Variants in ANGPT1 observed in about 807,000 individuals in gnomAD.
ANGPT1 encodes angiopoietin-1.
In ANGPT1, 17 loss-of-function variants were observed where a neutral mutation model predicts 62.2. The observed-to-expected ratio is 0.27, with a 90% CI of 0.19 to 0.41. The LOEUF (loss-of-function observed/expected upper bound fraction) is 0.41. ANGPT1 is among the 10% of genes least tolerant of loss of function. ANGPT1 has a pLI of 1.00. For synonymous variants in ANGPT1, 199 were observed against 198.9 expected (o/e 1.00, Z 0.00); for missense variants, 478 against 594.9 (o/e 0.80, Z 2.04).
intron 5 of ANGPT1, among the ~76,000 whole-genome samples, chr8:107,302,108 T>C (rs1360478409): frequency 1.3e-5 from 2 of 151,918 alleles, no homozygotes; most frequent in Admixed American, 1.3e-4. Flanking sequence ...AGACCTACTA[T>C]GTGCCAGAAA....
Position 107,497,586 on chromosome 8 carries a change from C to T in ANGPT1, c.-28G>A, listed in dbSNP as rs200431968. ...TACTGCCAGCACACTCCTTCCGTGCCTCTCGCAAAACTTGCTCCTTTCTTC... is the reference window on the plus strand; with the variant it reads ...TACTGCCAGCACACTCCTTCCGTGCTTCTCGCAAAACTTGCTCCTTTCTTC... On this transcript the variant is annotated 5_prime_UTR_variant, in exon 1 of 9. Coordinates refer to ENST00000517746, the MANE Select transcript of ANGPT1 (RefSeq NM_001146.5). The T allele has an allele frequency of 2.4e-5, 39 of 1,597,594 alleles. No homozygotes were observed. In the East Asian group the frequency reaches 7.6e-4, roughly 31 times the overall value.
chr8:107,257,870 G>GTTTTTTTTTTTTTT (rs750634420), intron 8 of ANGPT1, among the ~76,000 whole-genome samples: 26 of 45,232 alleles, frequency 5.7e-4, no homozygotes, highest in Non-Finnish European at 9.2e-4. Context: ...CCAAGGACTT[G>GTTTTTTTTTTTTTT]TTTTTGTTTC....
At chr8:107,417,961 T>C (rs145761127) in intron 1 of ANGPT1, among the ~76,000 whole-genome samples, 11 of 152,272 alleles carry the variant, frequency 7.2e-5, no homozygotes, top group African/African-American at 2.2e-4. Context: ...GTAAGGTAAA[T>C]AGAATTGTTC....
chr8:107,420,116 T>C (rs1472904632), intron 1 of ANGPT1, among the ~76,000 whole-genome samples: 1 of 152,170 alleles, frequency 6.6e-6, no homozygotes, highest in East Asian at 1.9e-4. Context: ...TTTTGTTCAT[T>C]GATAATTGCC....
intron 1 of ANGPT1, among the ~76,000 whole-genome samples, chr8:107,426,904 C>A (rs1312680453): frequency 6.6e-6 from 1 of 152,140 alleles, no homozygotes; most frequent in Non-Finnish European, 1.5e-5. Context: ...CAGTGTGGTG[C>A]TGGATGGAGT....
chr8:107,327,419 G>C (rs1815315158), intron 3 of ANGPT1, among the ~76,000 whole-genome samples: 1 of 152,034 alleles, frequency 6.6e-6, no homozygotes, highest in African/African-American at 2.4e-5. Context: ...GATTTTCCCT[G>C]ATGACAGTCT....
chr8:107,453,246 T>A (rs1563629556), intron 1 of ANGPT1, among the ~76,000 whole-genome samples: 1 of 152,096 alleles, frequency 6.6e-6, no homozygotes, highest in East Asian at 1.9e-4. Flanking sequence ...TAAAAACAAT[T>A]AAAGAATATT....
chr8:107,423,367 A>T (rs188114831), intron 1 of ANGPT1, among the ~76,000 whole-genome samples: 1 of 152,234 alleles, frequency 6.6e-6, no homozygotes, highest in Admixed American at 6.5e-5. Context: ...TTCTCTGCAG[A>T]TTGCCCTTAG....
chr8:107,300,617 A>G (rs2129969870), intron 5 of ANGPT1, among the ~76,000 whole-genome samples: 1 of 152,010 alleles, frequency 6.6e-6, no homozygotes, highest in Admixed American at 6.6e-5. Context: ...TCTCTCTGAA[A>G]AGCCATGGTG....
intron 1 of ANGPT1, among the ~76,000 whole-genome samples, chr8:107,434,743 A>T (rs548951781): frequency 6.6e-6 from 1 of 152,344 alleles, no homozygotes; most frequent in East Asian, 1.9e-4. Flanking sequence ...TATTTTTGAT[A>T]TACTGATAAT....
At chr8:107,277,519 C>T (rs542380080) in intron 7 of ANGPT1, among the ~76,000 whole-genome samples, 85 of 152,202 alleles carry the variant, frequency 5.6e-4, no homozygotes, top group African/African-American at 2.0e-3. Flanking sequence ...ACAACCATTT[C>T]AAAATAGATC....
intron 5 of ANGPT1, among the ~76,000 whole-genome samples, chr8:107,297,321 T>TAA (rs1814439891): frequency 1.3e-5 from 2 of 151,990 alleles, no homozygotes; most frequent in Non-Finnish European, 2.9e-5. Context: ...CCAACTTGAG[T>TAA]GCTACATTGC....
chr8:107,481,532 C>CAAAAAAAAAAAAAAAAAAA (rs71562147), intron 1 of ANGPT1, among the ~76,000 whole-genome samples: 7 of 64,316 alleles, frequency 1.1e-4, no homozygotes, highest in Non-Finnish European at 1.7e-4. Flanking sequence ...GACTCTGTCT[C>CAAAAAAAAAAAAAAAAAAA]AAAAAAAAAA....
At chr8:107,321,537 A>G (rs1268089303) in intron 4 of ANGPT1, among the ~76,000 whole-genome samples, 1 of 152,174 alleles carries the variant, frequency 6.6e-6, no homozygotes, top group African/African-American at 2.4e-5. Flanking sequence ...ACTATGAACT[A>G]ATTTTTAACA....
intron 1 of ANGPT1, among the ~76,000 whole-genome samples, chr8:107,493,425 T>A (rs148717670): frequency 6.7e-6 from 1 of 150,256 alleles, no homozygotes; most frequent in Non-Finnish European, 1.5e-5. Flanking sequence ...AGAAGATGAA[T>A]TGGAGTGACT....
intron 1 of ANGPT1, among the ~76,000 whole-genome samples, chr8:107,492,645 C>G (rs1812993655): frequency 7.3e-6 from 1 of 136,996 alleles, no homozygotes; most frequent in African/African-American, 2.7e-5. Context: ...CCAATATGTA[C>G]CCATTTCACA....
chr8:107,313,429 G>GGTTT (rs1335026306), intron 4 of ANGPT1, among the ~76,000 whole-genome samples: 1 of 64,182 alleles, frequency 1.6e-5, no homozygotes, highest in African/African-American at 6.5e-5. Context: ...GTTACTAGTT[G>GGTTT]TTTTTTTTTT....
intron 1 of ANGPT1, among the ~76,000 whole-genome samples, chr8:107,382,530 T>C (rs1253307496): frequency 8.7e-6 from 1 of 114,718 alleles, no homozygotes; most frequent in African/African-American, 2.6e-5. Context: ...ATTTTGTCTT[T>C]GAAAAAGAAA....
chr8:107,395,665 C>T (rs1816920889), intron 1 of ANGPT1, among the ~76,000 whole-genome samples: 1 of 152,086 alleles, frequency 6.6e-6, no homozygotes, highest in Non-Finnish European at 1.5e-5. Flanking sequence ...GATATGTTGT[C>T]ACTTCTATAT....
Sources: allele counts gnomAD v4.1 joint callset (sites outside exome capture counted in the v4.1 genomes callset), GRCh38; gene constraint gnomAD v4.1.1; transcripts MANE v1.5; gene names NCBI Gene and HGNC (gene_info 2026-07-23, HGNC 2026-07-21).